The following KATNB1 variants were observed in gnomAD, a reference collection of about 807,000 sequenced individuals.
KATNB1 encodes katanin p80 WD40 repeat-containing subunit B1.
In KATNB1, 38 loss-of-function variants were observed where a neutral mutation model predicts 82.3. The observed-to-expected ratio is 0.46, with a 90% CI of 0.36 to 0.61. The LOEUF is 0.61. KATNB1 is among the 20% of genes least tolerant of loss of function. The pLI is 0.00. For synonymous variants in KATNB1, 361 were observed against 368.7 expected (o/e 0.98, Z 0.24); for missense variants, 749 against 915.7 (o/e 0.82, Z 2.35).
chr16:57,755,597 A>G lies in KATNB1; in HGVS notation c.1566+103A>G, dbSNP rs2049269888. 4 of 1,433,126 alleles carry G rather than the reference A, an allele frequency of 2.8e-6. No homozygotes were observed. The South Asian group carries it at 5.2e-5, about 19-fold the overall frequency. 88.8% of individuals were successfully genotyped at this position (1,433,126 alleles called of 1,614,324 possible). On this transcript the variant is annotated intron_variant, in intron 16 of 19. Transcript: ENST00000379661. ...CAAGAAGAGGCCACCCATGGGGGAC[A>G]GTGTGGGATAGGCCATCCCTGACGT...
chr16:57,744,718 GGTGT>G (rs58055231), intron 4 of KATNB1, among the ~76,000 whole-genome samples: 2 of 150,190 alleles, frequency 1.3e-5, no homozygotes, highest in African/African-American at 4.9e-5. Flanking sequence ...GGGATGTGCG[GGTGT>G]GTGTGTGTGT....
At position 57,737,241 on chromosome 16, in the gene KATNB1, A is replaced by G. The variant is rs1282625468; in HGVS notation, c.-3A>G. 3 of 1,614,214 alleles carry G rather than the reference A, an allele frequency of 1.9e-6. No homozygotes were observed. Among genetic ancestry groups the G allele is most frequent in the Admixed American group, 1.7e-5 (1 of 60,034 alleles). Reference sequence around the variant, plus strand: ...GGGGCTTCAGGTGCCAGCCAGCTGAAGGATGGCCACCCCTGTGGTCACCAA... The same window carrying G: ...GGGGCTTCAGGTGCCAGCCAGCTGAGGGATGGCCACCCCTGTGGTCACCAA... On this transcript the variant is annotated 5_prime_UTR_variant, in exon 2 of 20. Transcript: ENST00000379661.
chr16:57,756,109 G>A (rs1555586195), intron 18 of KATNB1, 43 bp downstream of exon 18: 1 of 1,589,640 alleles, frequency 6.3e-7, no homozygotes, highest in Non-Finnish European at 8.5e-7. Context: ...AGGGGGAGGG[G>A]AGAGGTAAGA....
chr16:57,753,709 C>A (rs1367489937), intron 12 of KATNB1, among the ~76,000 whole-genome samples, 190 bp downstream of exon 12: 1 of 152,096 alleles, frequency 6.6e-6, no homozygotes, highest in East Asian at 1.9e-4. Context: ...GAGAGGGGGG[C>A]CTGGGCACTC....
chr16:57,753,218 C>G lies in KATNB1; in HGVS notation c.997C>G (p.Leu333Val), dbSNP rs781969053. ...GCCACTGCCCAACCCCAGCGCCCCCCTCCGGCGCATCTATGAGCGGCCCAG... is the reference window on the plus strand; with the variant it reads ...GCCACTGCCCAACCCCAGCGCCCCCGTCCGGCGCATCTATGAGCGGCCCAG... ...AQPLPNPSAP[L>V]RRIYERPSTT... Residue 333 changes from leucine (L) to valine (V), a missense_variant, in exon 11 of 20, where the codon CTC becomes GTC. Around this residue, in one of 3 missense-constraint regions of KATNB1, gnomAD observed 407 missense variants for 434.7 expected, o/e 0.94. Coordinates refer to ENST00000379661, the MANE Select transcript of KATNB1 (RefSeq NM_005886.3). 9 of 1,607,356 alleles carry G rather than the reference C, an allele frequency of 5.6e-6. No individual in the cohort carries two copies. The Admixed American group carries it at 1.5e-4, about 27-fold the overall frequency.
chr16:57,753,661 G>A (rs544920582), intron 12 of KATNB1, 142 bp downstream of exon 12: 26 of 1,187,704 alleles, frequency 2.2e-5, no homozygotes, highest in East Asian at 5.1e-5. Flanking sequence ...CTGTCCTCAC[G>A]TTCCCTGGGC....
intron 19 of KATNB1, 148 bp from the exon 20 acceptor site, chr16:57,756,666 A>G (rs142861059): frequency 1.4e-5 from 19 of 1,350,526 alleles, no homozygotes; most frequent in Non-Finnish European, 1.9e-5. Context: ...TGTGCCCACA[A>G]TCCCTGGCAG....
intron 2 of KATNB1, among the ~76,000 whole-genome samples, chr16:57,740,319 A>G (rs2148788377): frequency 6.6e-6 from 1 of 152,200 alleles, no homozygotes; most frequent in East Asian, 1.9e-4. Flanking sequence ...CATCAGTGAG[A>G]TTCAGCCTGC....
At chr16:57,745,453 C>T (rs1489465268) in intron 4 of KATNB1, among the ~76,000 whole-genome samples, 1 of 151,688 alleles carries the variant, frequency 6.6e-6, no homozygotes, top group African/African-American at 2.4e-5. Context: ...ATCCCAGCTA[C>T]TTGGGAGGCT....
chr16:57,739,539 A>G (rs1204574733), intron 2 of KATNB1, among the ~76,000 whole-genome samples: 1 of 152,166 alleles, frequency 6.6e-6, no homozygotes, highest in Admixed American at 6.5e-5. Flanking sequence ...AAAATCAAGT[A>G]TTCGGCCTGG....
rs771997237 is a variant in KATNB1, at chr16:57,737,206, T to A, written c.-38T>A. 1 of 1,613,338 alleles carries A rather than the reference T, an allele frequency of 6.2e-7. No homozygotes were observed. Among genetic ancestry groups the A allele is most frequent in the East Asian group, 2.2e-5 (1 of 44,886 alleles). ...CACCCCACGAGGAAAGCACAGTTTA[T>A]TTTGTGGGTGGGGCTTCAGGTGCCA... On this transcript the variant is annotated 5_prime_UTR_variant, in exon 2 of 20. Coordinates refer to ENST00000379661, the MANE Select transcript of KATNB1 (RefSeq NM_005886.3).
chr16:57,751,313 G>A lies in KATNB1; in HGVS notation c.432+11G>A, dbSNP rs782379458. 9.3e-6 allele frequency: 15 copies of A among 1,612,570 alleles called. No individual in the cohort carries two copies. Among genetic ancestry groups the A allele is most frequent in the Middle Eastern group, 3.3e-4 (2 of 6,080 alleles). ...GTCTTCCGATACAGGGTAAGGATGC[G>A]CTCTGTCGGTGACTCCATGAGCACC... On this transcript the variant is annotated intron_variant, in intron 6 of 19. Transcript: ENST00000379661. The surrounding 1 kb of genome is among the most constrained non-coding windows in gnomAD (Gnocchi z 6.3).
intron 2 of KATNB1, among the ~76,000 whole-genome samples, chr16:57,737,911 G>T (rs188058246): frequency 2.0e-4 from 30 of 152,312 alleles, no homozygotes; most frequent in African/African-American, 6.3e-4. Context: ...TACCACGTTA[G>T]AAGTTAATAC....
At position 57,757,034 on chromosome 16, in the gene KATNB1, G is replaced by C; in HGVS notation, c.*88G>C. 2 of 1,356,508 alleles carry C rather than the reference G, an allele frequency of 1.5e-6. No individual in the cohort carries two copies. The highest frequency in any genetic ancestry group is 1.9e-6 in the Non-Finnish European group (2 of 1,045,400). 84.0% of individuals were successfully genotyped at this position (1,356,508 alleles called of 1,614,324 possible). ...TCCTTGTGCACCCACTGGCCCATGAGCCTCTGCCTGGCCCCTGCTGCTGTC... is the reference window on the plus strand; with the variant it reads ...TCCTTGTGCACCCACTGGCCCATGACCCTCTGCCTGGCCCCTGCTGCTGTC... On this transcript the variant is annotated 3_prime_UTR_variant, in exon 20 of 20. Coordinates refer to ENST00000379661, the MANE Select transcript of KATNB1 (RefSeq NM_005886.3).
At chr16:57,752,111 C>T (rs1363036357) in intron 8 of KATNB1, 56 bp downstream of exon 8, 36 of 1,105,460 alleles carry the variant, frequency 3.3e-5, no homozygotes, top group Non-Finnish European at 4.8e-5. Context: ...ACCGCCTTGT[C>T]CTCTGTGCGT....
intron 2 of KATNB1, among the ~76,000 whole-genome samples, chr16:57,739,697 G>C (rs1049012895): frequency 1.3e-5 from 2 of 152,140 alleles, no homozygotes; most frequent in Admixed American, 6.5e-5. Context: ...GCTGCTTAGA[G>C]GGGAGTGATG....
At position 57,753,279 on chromosome 16, in the gene KATNB1, G is replaced by A; in HGVS notation, c.1046+12G>A. On this transcript the variant is annotated intron_variant, in intron 11 of 19. Coordinates refer to ENST00000379661, the MANE Select transcript of KATNB1 (RefSeq NM_005886.3). ...AGCAAGCCTCAGAGGTGAGGGCCTG[G>A]GGGGCCTTCGGGGGCCCAGGAGAGG... 6.3e-7 allele frequency: 1 copy of A among 1,584,374 alleles called. No individual in the cohort carries two copies. The highest frequency in any genetic ancestry group is 1.3e-5 in the African/African-American group (1 of 74,352).
intron 4 of KATNB1, among the ~76,000 whole-genome samples, chr16:57,744,764 T>C (rs1340682838): frequency 7.7e-6 from 1 of 129,724 alleles, no homozygotes; most frequent in Admixed American, 8.5e-5. Flanking sequence ...TGGATGTGTG[T>C]GTCTGCGGGC....
intron 16 of KATNB1, 72 bp downstream of exon 16, chr16:57,755,566 G>A (rs1555585734): frequency 2.6e-6 from 4 of 1,566,490 alleles, no homozygotes; most frequent in African/African-American, 2.7e-5. Context: ...CGGGCTTGGG[G>A]CAGAACAAGA....
Sources: allele counts gnomAD v4.1 joint callset (sites outside exome capture counted in the v4.1 genomes callset), GRCh38; gene constraint gnomAD v4.1.1; regional missense constraint gnomAD v4.1.1; non-coding constraint Gnocchi (gnomAD v3.1); transcripts MANE v1.5; gene names NCBI Gene and HGNC (gene_info 2026-07-23, HGNC 2026-07-21).